Variants in AKAP1 observed in about 807,000 individuals in gnomAD.
AKAP1 encodes the protein A-kinase anchoring protein 1.
A neutral mutation model predicts 79.8 loss-of-function variants in AKAP1; 32 were observed. The ratio of observed to expected loss-of-function variants is 0.40; its 90% CI spans 0.30 to 0.54. The LOEUF (loss-of-function observed/expected upper bound fraction) is 0.54. AKAP1 is among the 20% of genes least tolerant of loss of function. The pLI is 0.47. For synonymous variants in AKAP1, 416 were observed against 466.7 expected (o/e 0.89, Z 1.40); for missense variants, 961 against 1,138.9 (o/e 0.84, Z 2.25).
In AKAP1 at chr17:57,086,339, G is replaced by A; in HGVS notation, c.-25+941G>A. 1 of 439,986 alleles carries A rather than the reference G, an allele frequency of 2.3e-6. No homozygotes were observed. Among genetic ancestry groups the A allele is most frequent in the Non-Finnish European group, 4.5e-6 (1 of 220,738 alleles). 27.3% of individuals were successfully genotyped at this position (439,986 alleles called of 1,614,324 possible). ...GCTTTCTGGCGTTCAACTCTTTTGT[G>A]CCCTAGCTGAAGGTCTTCCTGTTTC... On this transcript the variant is annotated intron_variant, in intron 1 of 10. Transcript: ENST00000337714. The surrounding 1 kb of genome is among the most constrained non-coding windows in gnomAD (Gnocchi z 5.1).
chr17:57,105,323 G>A (rs1406344060), intron 1 of AKAP1, 118 bp from the exon 2 acceptor site: 2 of 964,074 alleles, frequency 2.1e-6, no homozygotes, highest in Non-Finnish European at 3.2e-6. Flanking sequence ...TGGAGGGCAG[G>A]GAAGGCGGAG....
At position 57,086,417 on chromosome 17, in the gene AKAP1, G is replaced by A. The variant is rs1167908396; in HGVS notation, c.-25+1019G>A. On this transcript the variant is annotated intron_variant, in intron 1 of 10. Transcript: ENST00000337714. This position sits in a 1 kb window ranked among gnomAD's most constrained non-coding sequence, Gnocchi z 5.1. ...GGTGCTGATCGTGGTAGGCGGTGCT[G>A]TGGCGACTCGGAACGGCATGGGAGC... 1 of 456,398 alleles carries A rather than the reference G, an allele frequency of 2.2e-6. No homozygotes were observed. Among genetic ancestry groups the A allele is most frequent in the Non-Finnish European group, 4.4e-6 (1 of 226,754 alleles). The allele number at this position is 456,398 out of a possible 1,614,324, so 28.3% of individuals were successfully genotyped here. A position where few individuals can be genotyped will look rare whatever the true frequency, so the allele number is the denominator to read the frequency against.
intron 6 of AKAP1, among the ~76,000 whole-genome samples, chr17:57,115,411 A>G (rs1243594562): frequency 6.6e-6 from 1 of 152,204 alleles, no homozygotes; most frequent in Non-Finnish European, 1.5e-5. Context: ...GGTAACTGCC[A>G]GGGGTTCTCT....
In AKAP1 at chr17:57,106,790, T is replaced by A. The variant is rs1324329963; in HGVS notation, c.1326T>A (p.Leu442=). 3 of 1,614,070 alleles carry A rather than the reference T, an allele frequency of 1.9e-6. No homozygotes were observed. The Admixed American group carries it at 5.0e-5, about 27-fold the overall frequency. ...CCTACGTGAGCTGCCTGAAGAGCCT[T>A]CTGTCCAGCCCCACCAAGGACAGTA... ...PKTYVSCLKS[L]LSSPTKDSKP... The change falls in exon 2 of 11, where the codon CTT becomes CTA. Residue 442 remains leucine (L), a synonymous_variant. Transcript: ENST00000337714.
At position 57,116,152 on chromosome 17, in the gene AKAP1, T is replaced by C. The variant is rs752709087; in HGVS notation, c.2323T>C (p.Trp775Arg). ...CAAPGADGAW[W>R]RAQVVASYEE... ...CGCCCCTGGTGCGGACGGGGCCTGG[T>C]GGCGAGCCCAAGTGGTTGCCTCCTA... Residue 775 changes from tryptophan to arginine, a missense_variant, in exon 7 of 11, where the codon TGG (tryptophan) becomes CGG (arginine). This residue lies in a region of AKAP1 where 629 missense variants were observed against 781.1 expected (regional missense o/e 0.81). Coordinates refer to ENST00000337714, the MANE Select transcript of AKAP1 (RefSeq NM_003488.4). The C allele has an allele frequency of 6.2e-7, 1 of 1,613,996 alleles. No homozygotes were observed. Among genetic ancestry groups the C allele is most frequent in the South Asian group, 1.1e-5 (1 of 91,088 alleles).
rs1022994897 is a variant in AKAP1 at position 57,086,327 on chromosome 17, C to A, written c.-25+929C>A. The A allele has an allele frequency of 1.7e-5, 7 of 423,122 alleles. No homozygotes were observed. Among genetic ancestry groups the A allele is most frequent in the African/African-American group, 1.0e-4 (5 of 48,148 alleles). 26.2% of individuals were successfully genotyped at this position (423,122 alleles called of 1,614,324 possible). ...CCTCGAACGCGGGCTTTCTGGCGTT[C>A]AACTCTTTTGTGCCCTAGCTGAAGG... On this transcript the variant is annotated intron_variant, in intron 1 of 10. Transcript: ENST00000337714. The surrounding 1 kb of genome is among the most constrained non-coding windows in gnomAD (Gnocchi z 5.1).
chr17:57,089,671 C>A (rs2061021386), intron 1 of AKAP1, among the ~76,000 whole-genome samples: 1 of 152,080 alleles, frequency 6.6e-6, no homozygotes, highest in African/African-American at 2.4e-5. Context: ...TAAAGCATAA[C>A]ATGTTTGAGC....
intron 8 of AKAP1, 88 bp from the exon 9 acceptor site, chr17:57,118,293 C>A: frequency 8.1e-7 from 1 of 1,238,656 alleles, no homozygotes; most frequent in Non-Finnish European, 1.2e-6. Context: ...AAGCATTCTA[C>A]TTGGAATGCA....
chr17:57,097,767 G>T (rs1201218811), intron 1 of AKAP1, among the ~76,000 whole-genome samples: 1 of 152,240 alleles, frequency 6.6e-6, no homozygotes, highest in African/African-American at 2.4e-5. Flanking sequence ...AATAATGGAA[G>T]AAATGTTCAA....
rs373824245 is a variant in AKAP1 at position 57,106,166 on chromosome 17, C to T, written c.702C>T (p.Pro234=). ...TGGAATTGGAGAACAGCAAGGGCCC[C>T]AGCCTGGCCTCTTTAGAGGGGGAAG... ...HVLELENSKG[P]SLASLEGEED... is the part of the protein sequence containing the mutation. Residue 234 remains proline (P), a synonymous_variant, in exon 2 of 11, where the codon CCC becomes CCT. Transcript: ENST00000337714. 3.1e-6 allele frequency: 5 copies of T among 1,613,154 alleles called. No homozygotes were observed. In the African/African-American group the frequency reaches 6.7e-5, roughly 22 times the overall value.
At chr17:57,120,187 T>C in intron 10 of AKAP1, 63 bp from the exon 11 acceptor site, 1 of 1,514,702 alleles carries the variant, frequency 6.6e-7, no homozygotes, top group South Asian at 1.2e-5. Context: ...AGAACTCATG[T>C]TGGCTAGGGA....
At chr17:57,112,377 A>C in intron 4 of AKAP1, 114 bp from the exon 5 acceptor site, 1 of 1,321,818 alleles carries the variant, frequency 7.6e-7, no homozygotes, top group Non-Finnish European at 1.0e-6. Flanking sequence ...TCAAAGATGC[A>C]CTTGAACTCT....
At position 57,105,517 on chromosome 17, in the gene AKAP1, C is replaced by T. The variant is rs17761023; in HGVS notation, c.53C>T (p.Ala18Val). ...LFPLALPGML[A>V]LLGWWWFFSR... ...CCCTTGGCATTGCCTGGGATGCTGG[C>T]GCTCCTCGGCTGGTGGTGGTTTTTC... The change falls in exon 2 of 11, where the codon GCG becomes GTG. Residue 18 changes from alanine to valine, a missense_variant. Around this residue, in one of 3 missense-constraint regions of AKAP1, gnomAD observed 108 missense variants for 147.6 expected, o/e 0.73. Transcript: ENST00000337714. The T allele has an allele frequency of 0.1, 161,988 of 1,613,978 alleles. 8,675 individuals are homozygous for T. Among genetic ancestry groups the T allele is most frequent in the Non-Finnish European group, 0.11 (130,395 of 1,179,956 alleles).
At position 57,107,183 on chromosome 17, in the gene AKAP1, G is replaced by T. The variant is rs376241535; in HGVS notation, c.1714+5G>T. 6 of 1,590,650 alleles carry T rather than the reference G, an allele frequency of 3.8e-6. No homozygotes were observed. The highest frequency in any genetic ancestry group is 5.2e-6 in the Non-Finnish European group (6 of 1,164,530). On this transcript the variant is annotated splice_donor_5th_base_variant and intron_variant, in intron 2 of 10. Coordinates refer to ENST00000337714, the MANE Select transcript of AKAP1 (RefSeq NM_003488.4). ...CGGAAGCAGATCATTCAGGAGGTAG[G>T]AGGGTCTCGGGTTCGTTTAGAGGAT...
rs747112238 is a variant in AKAP1 at position 57,114,521 on chromosome 17, C to A, written c.2166C>A (p.His722Gln). The change falls in exon 6 of 11, where the codon CAC (histidine) becomes CAA (glutamine). Residue 722 changes from histidine to glutamine, a missense_variant. Coordinates refer to ENST00000337714, the MANE Select transcript of AKAP1 (RefSeq NM_003488.4). ...VIVVNQVNAG[H>Q]LFVQQHTHPT... The stretch of plus-strand genomic sequence containing the variant: ...TGGTCAACCAGGTCAATGCCGGGCA[C>A]CTGTTCGTGCAGCAGCACACACACC... 2 of 1,614,080 alleles carry A rather than the reference C, an allele frequency of 1.2e-6. No individual in the cohort carries two copies. Among genetic ancestry groups the A allele is most frequent in the Non-Finnish European group, 1.7e-6 (2 of 1,180,050 alleles).
Position 57,116,220 on chromosome 17 carries a change from C to A in AKAP1, c.2391C>A (p.Gly797=), listed in dbSNP as rs201820168. 5.0e-6 allele frequency: 8 copies of A among 1,614,136 alleles called. No individual in the cohort carries two copies. The highest frequency in any genetic ancestry group is 5.9e-6 in the Non-Finnish European group (7 of 1,180,026). The part of the protein sequence containing the change: ...NEVEIRYVDY[G]GYKRVKVDVL... ...TGGAGATTCGATACGTGGACTACGGCGGATATAAGAGGGTGAAAGTAGACG... is the reference window on the plus strand; with the variant it reads ...TGGAGATTCGATACGTGGACTACGGAGGATATAAGAGGGTGAAAGTAGACG... The change falls in exon 7 of 11, where the codon GGC becomes GGA. Residue 797 remains glycine (G), a synonymous_variant. Transcript: ENST00000337714.
At chr17:57,097,203 A>C (rs1346795567) in intron 1 of AKAP1, among the ~76,000 whole-genome samples, 1 of 151,038 alleles carries the variant, frequency 6.6e-6, no homozygotes, top group African/African-American at 2.4e-5. Context: ...CCCCCTCCCT[A>C]CCCACCCACT....
Position 57,120,512 on chromosome 17 carries a change from G to A in AKAP1, c.*188G>A, listed in dbSNP as rs1322073999. ...AAGGATGGAACTATGGGTTCTCTTC[G>A]CAAAGCCAAAGGATAGTGTTTAACA... On this transcript the variant is annotated 3_prime_UTR_variant, in exon 11 of 11. Coordinates refer to ENST00000337714, the MANE Select transcript of AKAP1 (RefSeq NM_003488.4). 5 of 498,696 alleles carry A rather than the reference G, an allele frequency of 1.0e-5. No individual in the cohort carries two copies. Among genetic ancestry groups the A allele is most frequent in the Middle Eastern group, 3.2e-4 (1 of 3,140 alleles). The allele number at this position is 498,696 out of a possible 1,614,324, so 30.9% of individuals were successfully genotyped here. A position where few individuals can be genotyped will look rare whatever the true frequency, so the allele number is the denominator to read the frequency against.
intron 1 of AKAP1, among the ~76,000 whole-genome samples, chr17:57,103,668 T>C (rs1243946426): frequency 1.3e-5 from 2 of 152,218 alleles, no homozygotes; most frequent in Non-Finnish European, 2.9e-5. Context: ...AGCTTGTCAG[T>C]TGAAGGATTT....
Sources: allele counts gnomAD v4.1 joint callset (sites outside exome capture counted in the v4.1 genomes callset), GRCh38; gene constraint gnomAD v4.1.1; regional missense constraint gnomAD v4.1.1; non-coding constraint Gnocchi (gnomAD v3.1); transcripts MANE v1.5; gene names NCBI Gene and HGNC (gene_info 2026-07-23, HGNC 2026-07-21).